KHDRBS2: variants seen among roughly 807,000 people sequenced by gnomAD.
KHDRBS2 encodes the protein KH domain-containing, RNA-binding, signal transduction-associated protein 2.
A neutral mutation model predicts 44.3 loss-of-function variants in KHDRBS2; 26 were observed. The observed-to-expected ratio is 0.59, with a 90% CI of 0.43 to 0.81. The LOEUF (loss-of-function observed/expected upper bound fraction) is 0.81, where lower values mean the gene tolerates loss of function less well. Ranked by LOEUF, KHDRBS2 falls within the 40% of genes least tolerant of loss-of-function variation. KHDRBS2 has a pLI of 0.00. For missense variants in KHDRBS2, 476 were observed against 433.1 expected (o/e 1.10, Z -0.88); for synonymous variants, 194 against 151.1 (o/e 1.28, Z -2.08).
intron 2 of KHDRBS2, among the ~76,000 whole-genome samples, chr6:62,059,198 GTTTTTTTTTTTTTTTTT>G (rs398001756): frequency 4.4e-4 from 11 of 24,888 alleles, no homozygotes; most frequent in East Asian, 2.1e-3. Flanking sequence ...AAGTTAGGAA[GTTTTTTTTTTTTTTTTT>G]TTTTTTTTTT....
chr6:61,567,222 G>C, the KHDRBS2 span, among the ~76,000 whole-genome samples: 1 of 151,902 alleles, frequency 6.6e-6, no homozygotes, highest in Non-Finnish European at 1.5e-5. Context: ...ATCTCAAAGG[G>C]GGAAAAAAAA....
intron 1 of KHDRBS2, among the ~76,000 whole-genome samples, chr6:62,204,932 C>T (rs922858467): frequency 6.6e-6 from 1 of 152,020 alleles, no homozygotes; most frequent in Non-Finnish European, 1.5e-5. Flanking sequence ...CAAGGGTCAA[C>T]AGTATGTAGG....
intron 5 of KHDRBS2, 33 bp from the exon 6 acceptor site, chr6:61,894,866 C>G (rs1440318029): frequency 6.6e-7 from 1 of 1,514,938 alleles, no homozygotes; most frequent in South Asian, 1.2e-5. Flanking sequence ...AGATGAGAAA[C>G]AGGTGATGAG....
At chr6:61,672,583 T>A in the KHDRBS2 span, among the ~76,000 whole-genome samples, 1 of 151,926 alleles carries the variant, frequency 6.6e-6, no homozygotes, top group African/African-American at 2.4e-5. Flanking sequence ...GATTTGCATT[T>A]CTCTGATGGC....
intron 6 of KHDRBS2, among the ~76,000 whole-genome samples, chr6:61,769,277 C>T (rs1205528308): frequency 6.6e-6 from 1 of 152,068 alleles, no homozygotes; most frequent in Non-Finnish European, 1.5e-5. Context: ...AACTGAGGTA[C>T]CGGGTTCATC....
chr6:61,592,188 C>CAAAAAAAAAAAAAAAAAAAA, the KHDRBS2 span, among the ~76,000 whole-genome samples: 1 of 122,276 alleles, frequency 8.2e-6, no homozygotes. Flanking sequence ...AAGATCCCAC[C>CAAAAAAAAAAAAAAAAAAAA]AAAAAAAAAA....
chr6:62,031,208 C>T (rs893249205), intron 3 of KHDRBS2, among the ~76,000 whole-genome samples: 1 of 151,968 alleles, frequency 6.6e-6, no homozygotes, highest in Non-Finnish European at 1.5e-5. Flanking sequence ...TGATTAATCA[C>T]CCGCTAACTA....
chr6:62,229,964 T>C (rs1303053720), intron 1 of KHDRBS2, among the ~76,000 whole-genome samples: 1 of 152,310 alleles, frequency 6.6e-6, no homozygotes, highest in Admixed American at 6.5e-5. Context: ...TCCCAGTTTA[T>C]TTATATTTTA....
intron 2 of KHDRBS2, among the ~76,000 whole-genome samples, chr6:62,099,831 C>T (rs1039367005): frequency 6.6e-6 from 1 of 152,176 alleles, no homozygotes; most frequent in Admixed American, 6.5e-5. Flanking sequence ...CCCAAGAACT[C>T]TGATGGAGAT....
intron 2 of KHDRBS2, among the ~76,000 whole-genome samples, chr6:62,106,170 C>T (rs1463443076): frequency 6.6e-6 from 1 of 152,030 alleles, no homozygotes; most frequent in Non-Finnish European, 1.5e-5. Flanking sequence ...TGTTCTTTTA[C>T]ATTTGCTGAG....
chr6:61,553,047 CAA>C, the KHDRBS2 span, among the ~76,000 whole-genome samples: 2 of 152,068 alleles, frequency 1.3e-5, no homozygotes, highest in Non-Finnish European at 2.9e-5. Flanking sequence ...TCCCTCTCCT[CAA>C]TGTTTGGAAT....
At chr6:61,616,896 A>G in the KHDRBS2 span, among the ~76,000 whole-genome samples, 2 of 152,218 alleles carry the variant, frequency 1.3e-5, no homozygotes, top group African/African-American at 4.8e-5. Context: ...TTGGAATATT[A>G]TATTTGAACT....
intron 1 of KHDRBS2, among the ~76,000 whole-genome samples, chr6:62,211,303 A>G (rs1563071050): frequency 1.3e-5 from 2 of 152,198 alleles, no homozygotes; most frequent in Non-Finnish European, 2.9e-5. Context: ...ATGCAGAAAT[A>G]GTTGAAGTGG....
chr6:61,713,591 TTTTTCCC>T (rs1770885752), intron 7 of KHDRBS2, among the ~76,000 whole-genome samples: 1 of 151,648 alleles, frequency 6.6e-6, no homozygotes, highest in Admixed American at 6.6e-5. Flanking sequence ...CTTTTTTTTT[TTTTTCCC>T]TTAGGATTGC....
At chr6:61,841,139 C>G (rs1793536034) in intron 6 of KHDRBS2, among the ~76,000 whole-genome samples, 1 of 152,056 alleles carries the variant, frequency 6.6e-6, no homozygotes, top group African/African-American at 2.4e-5. Flanking sequence ...AAGTATCTAA[C>G]AAGCTGTAAC....
At chr6:61,863,891 C>T (rs1276342192) in intron 6 of KHDRBS2, among the ~76,000 whole-genome samples, 2 of 152,142 alleles carry the variant, frequency 1.3e-5, no homozygotes, top group Non-Finnish European at 2.9e-5. Flanking sequence ...ATGTTAAAGT[C>T]TCCAACTATT....
intron 2 of KHDRBS2, among the ~76,000 whole-genome samples, chr6:62,167,497 G>A (rs1818947348): frequency 6.6e-6 from 1 of 152,010 alleles, no homozygotes; most frequent in Non-Finnish European, 1.5e-5. Flanking sequence ...TAGAAAACAG[G>A]ATTATTTCAA....
At chr6:61,549,176 T>C in the KHDRBS2 span, among the ~76,000 whole-genome samples, 6 of 152,212 alleles carry the variant, frequency 3.9e-5, no homozygotes, top group African/African-American at 1.4e-4. Context: ...TGAAAATAGA[T>C]ATTGGAAAAA....
At chr6:62,236,491 A>G (rs1393381034) in intron 1 of KHDRBS2, among the ~76,000 whole-genome samples, 1 of 152,004 alleles carries the variant, frequency 6.6e-6, no homozygotes, top group Non-Finnish European at 1.5e-5. Flanking sequence ...ATAATTTTAT[A>G]TATTTTTGAG....
Sources: gnomAD v4.1 joint callset for allele counts (sites outside exome capture counted in the v4.1 genomes callset) on GRCh38, gnomAD v4.1.1 for gene constraint, MANE v1.5 for transcripts, NCBI Gene and HGNC (gene_info 2026-07-23, HGNC 2026-07-21) for gene names.